The following GABRG3 variants were observed in gnomAD, a reference collection of about 807,000 sequenced individuals.
GABRG3 encodes gamma-aminobutyric acid type A receptor subunit gamma3.
In GABRG3, 25 loss-of-function variants were observed where a neutral mutation model predicts 48.8. The ratio of observed to expected loss-of-function variants is 0.51; its 90% CI spans 0.37 to 0.72. GABRG3 has a LOEUF of 0.72. Ranked by LOEUF, GABRG3 falls within the 30% of genes least tolerant of loss-of-function variation. The pLI, the probability that GABRG3 is intolerant of heterozygous loss-of-function variation, is 0.00. For synonymous variants in GABRG3, 227 were observed against 217.6 expected (o/e 1.04, Z -0.38); for missense variants, 394 against 577.9 (o/e 0.68, Z 3.26).
intron 5 of GABRG3, among the ~76,000 whole-genome samples, chr15:27,371,097 G>C (rs1391913043): frequency 6.6e-6 from 1 of 152,044 alleles, no homozygotes; most frequent in African/African-American, 2.4e-5. Flanking sequence ...AGCTTTGATG[G>C]CCAGTACACC....
intron 3 of GABRG3, among the ~76,000 whole-genome samples, chr15:27,303,752 GTATATA>G (rs760885274): frequency 6.7e-6 from 1 of 148,914 alleles, no homozygotes; most frequent in African/African-American, 2.5e-5. Context: ...ATCCGTGTGT[GTATATA>G]TATATATACA....
intron 3 of GABRG3, among the ~76,000 whole-genome samples, chr15:27,291,891 G>C (rs1399710929): frequency 1.3e-5 from 2 of 152,174 alleles, no homozygotes; most frequent in Admixed American, 6.5e-5. Context: ...GAGAGAGAAA[G>C]GGTATGGCGG....
intron 6 of GABRG3, among the ~76,000 whole-genome samples, chr15:27,495,364 C>G (rs183288120): frequency 6.6e-6 from 1 of 152,266 alleles, no homozygotes; most frequent in Admixed American, 6.5e-5. Flanking sequence ...AAAATTCATT[C>G]ATGCTTTGAT....
At chr15:27,519,004 A>C (rs1434762063) in intron 6 of GABRG3, among the ~76,000 whole-genome samples, 1 of 152,156 alleles carries the variant, frequency 6.6e-6, no homozygotes, top group Non-Finnish European at 1.5e-5. Flanking sequence ...AGAAGAGAAA[A>C]GGAGGAGTCA....
intron 5 of GABRG3, chr15:27,340,425 C>T (rs1389399244): frequency 6.6e-6 from 1 of 152,152 alleles, no homozygotes; most frequent in Non-Finnish European, 1.5e-5. Context: ...ATCTACCCAC[C>T]AATGTACATA....
At chr15:27,002,965 G>A (rs1017570856) in intron 2 of GABRG3, among the ~76,000 whole-genome samples, 14 of 150,848 alleles carry the variant, frequency 9.3e-5, no homozygotes, top group African/African-American at 3.1e-4. Flanking sequence ...ACCCTGACTC[G>A]AAAATTAAAT....
At chr15:27,155,246 T>G (rs558875081) in intron 3 of GABRG3, among the ~76,000 whole-genome samples, 21 of 152,328 alleles carry the variant, frequency 1.4e-4, no homozygotes, top group African/African-American at 4.8e-4. Context: ...GGGTCTTCTT[T>G]ATGTCTTCTA....
chr15:27,250,092 C>G (rs1890406751), intron 3 of GABRG3, among the ~76,000 whole-genome samples: 1 of 152,100 alleles, frequency 6.6e-6, no homozygotes, highest in Non-Finnish European at 1.5e-5. Context: ...AGCCCCCTCA[C>G]CAGCCCCCAC....
intron 6 of GABRG3, among the ~76,000 whole-genome samples, chr15:27,507,554 A>C (rs2150856957): frequency 6.6e-6 from 1 of 152,266 alleles, no homozygotes; most frequent in South Asian, 2.1e-4. Context: ...AAATATGTTA[A>C]GCTTCGGTTT....
In GABRG3 at chr15:27,457,640, G is replaced by T. The variant is rs183137417; in HGVS notation, c.575-23010G>T. ...GTACCAGCCCTGCCCTCTCTAGGAC[G>T]GGCTGCCTCCTTGGAGTCTGCAGCC... is the stretch of plus-strand genomic sequence containing the variant. On this transcript the variant is annotated intron_variant, in intron 5 of 9. Coordinates refer to ENST00000615808, the MANE Select transcript of GABRG3 (RefSeq NM_033223.5). This position sits in a 1 kb window ranked among gnomAD's most constrained non-coding sequence, Gnocchi z 4.4. 6.6e-6 allele frequency among the ~76,000 whole-genome samples: 1 copy of T among 152,140 alleles called. No homozygotes were observed. Among genetic ancestry groups the T allele is most frequent in the African/African-American group, 2.4e-5 (1 of 41,430 alleles).
chr15:27,257,122 G>A (rs976343454), intron 3 of GABRG3, among the ~76,000 whole-genome samples: 1 of 152,164 alleles, frequency 6.6e-6, no homozygotes, highest in African/African-American at 2.4e-5. Context: ...ACTGTGAAGT[G>A]ATGCCTCGTT....
intron 3 of GABRG3, among the ~76,000 whole-genome samples, chr15:27,168,298 T>C (rs1269331749): frequency 6.6e-6 from 1 of 152,138 alleles, no homozygotes; most frequent in Non-Finnish European, 1.5e-5. Flanking sequence ...CTCATTTTTA[T>C]CATGTTGAAA....
chr15:26,974,864 A>ATTATTATT lies in GABRG3; in HGVS notation c.54-2137_54-2130dup, dbSNP rs1347877396. Among the ~76,000 whole-genome samples the ATTATTATT allele has an allele frequency of 6.8e-6, 1 of 147,184 alleles. No individual in the cohort carries two copies. On this transcript the variant is annotated intron_variant, in intron 1 of 9. Transcript: ENST00000615808. This position sits in a 1 kb window ranked among gnomAD's most constrained non-coding sequence, Gnocchi z 4.3. ...TAAATTTATTATTATTATTATTATT[A>ATTATTATT]TTATTATTATTATTATTATTATTAT... is the stretch of plus-strand genomic sequence containing the variant.
chr15:27,513,449 CAAAAAAAAAGA>C (rs529424840), intron 6 of GABRG3, among the ~76,000 whole-genome samples: 139 of 133,610 alleles, frequency 1.0e-3, no homozygotes, highest in African/African-American at 3.7e-3. Flanking sequence ...GACTCCGTCT[CAAAAAAAAAGA>C]AAAAAAAAAT....
intron 3 of GABRG3, among the ~76,000 whole-genome samples, chr15:27,219,667 C>G (rs1233342619): frequency 6.6e-6 from 1 of 152,214 alleles, no homozygotes; most frequent in African/African-American, 2.4e-5. Context: ...CTGCAGCCCC[C>G]AGACTCTTGC....
chr15:27,183,355 C>A (rs887674068), intron 3 of GABRG3, among the ~76,000 whole-genome samples: 12 of 152,304 alleles, frequency 7.9e-5, no homozygotes, highest in African/African-American at 2.2e-4. Context: ...TGGCCATGAG[C>A]TGATGGCAGC....
intron 5 of GABRG3, among the ~76,000 whole-genome samples, chr15:27,386,484 T>G (rs183016493): frequency 6.6e-6 from 1 of 151,912 alleles, no homozygotes; most frequent in African/African-American, 2.4e-5. Flanking sequence ...CTCCCAAGAT[T>G]GTTTGTCACC....
chr15:27,331,270 C>A (rs1422256280), intron 5 of GABRG3, among the ~76,000 whole-genome samples: 4 of 152,136 alleles, frequency 2.6e-5, no homozygotes, highest in Non-Finnish European at 4.4e-5. Flanking sequence ...AAACTTATGT[C>A]CACACCAAAA....
At chr15:26,996,659 AT>A (rs990094148) in intron 2 of GABRG3, among the ~76,000 whole-genome samples, 2 of 136,190 alleles carry the variant, frequency 1.5e-5, no homozygotes, top group African/African-American at 2.7e-5. Flanking sequence ...TTTTATTTTA[AT>A]TTTTTTTGAG....
Sources: allele counts gnomAD v4.1 joint callset (sites outside exome capture counted in the v4.1 genomes callset), GRCh38; gene constraint gnomAD v4.1.1; non-coding constraint Gnocchi (gnomAD v3.1); transcripts MANE v1.5; gene names NCBI Gene and HGNC (gene_info 2026-07-23, HGNC 2026-07-21).